NCOR2: variants seen among roughly 807,000 people sequenced by gnomAD.
NCOR2 encodes the protein nuclear receptor corepressor 2.
Under a neutral mutation model 262.9 loss-of-function variants are expected in NCOR2, and 81 were observed. The observed-to-expected ratio is 0.31, with a 90% CI of 0.26 to 0.37. NCOR2 has a LOEUF of 0.37. NCOR2 is among the 10% of genes least tolerant of loss of function. NCOR2 has a pLI of 1.00. For missense variants in NCOR2, 3,385 were observed against 3,621.4 expected (o/e 0.93, Z 1.68); for synonymous variants, 1,659 against 1,559.3 (o/e 1.06, Z -1.51).
intron 38 of NCOR2, 164 bp from the exon 41 acceptor site, chr12:124,335,796 T>G (rs1593102334): frequency 1.4e-6 from 1 of 739,978 alleles, no homozygotes; most frequent in South Asian, 2.0e-5. Flanking sequence ...AGAGGGGTGT[T>G]GGGGAGAGAC....
intron 17 of NCOR2, among the ~76,000 whole-genome samples, chr12:124,384,794 T>C (rs990496689): frequency 6.6e-6 from 1 of 151,764 alleles, no homozygotes; most frequent in Non-Finnish European, 1.5e-5. Flanking sequence ...GGCAGCCCGA[T>C]GTCATGGTTT....
intron 13 of NCOR2, among the ~76,000 whole-genome samples, chr12:124,408,198 CA>C (rs1402732718): frequency 6.6e-6 from 1 of 152,100 alleles, no homozygotes; most frequent in Non-Finnish European, 1.5e-5. Context: ...ACTAAAAATA[CA>C]AACAATTAGC....
chr12:124,493,418 C>T (rs1240264760), intron 1 of NCOR2, among the ~76,000 whole-genome samples: 1 of 152,228 alleles, frequency 6.6e-6, no homozygotes, highest in Non-Finnish European at 1.5e-5. Flanking sequence ...AGCCAGGCGC[C>T]ATCTTAAGAA....
chr12:124,404,182 C>T (rs919321625), intron 13 of NCOR2, among the ~76,000 whole-genome samples: 3 of 152,178 alleles, frequency 2.0e-5, no homozygotes, highest in Non-Finnish European at 4.4e-5. Context: ...CACATTTGCC[C>T]GATGTGGGCA....
chr12:124,368,029 G>T (rs1421968966), intron 20 of NCOR2, among the ~76,000 whole-genome samples: 1 of 152,222 alleles, frequency 6.6e-6, no homozygotes, highest in African/African-American at 2.4e-5. Context: ...CAGAGTATGT[G>T]TCTGGGAGGG....
At chr12:124,327,283 C>T (rs1418379216) in intron 45 of NCOR2, 126 bp downstream of exon 47, 25 of 785,276 alleles carry the variant, frequency 3.2e-5, no homozygotes, top group Admixed American at 3.1e-4. Context: ...AGGTCAAACA[C>T]GCACAAAAAT....
chr12:124,362,128 T>C, exon 22 of NCOR2: 1 of 1,299,862 alleles, frequency 7.7e-7, no homozygotes, highest in Non-Finnish European at 9.8e-7. Context: ...GCACTCACCC[T>C]CCTTGTCGGC....
At chr12:124,325,696 C>T in intron 46 of NCOR2, 113 bp from the exon 49 acceptor site, 2 of 657,716 alleles carry the variant, frequency 3.0e-6, no homozygotes, top group Non-Finnish European at 4.5e-6. Flanking sequence ...TCCAACAGTC[C>T]TCCCAGACCT....
At chr12:124,484,263 G>A (rs373540159) in intron 2 of NCOR2, among the ~76,000 whole-genome samples, 12 of 152,184 alleles carry the variant, frequency 7.9e-5, no homozygotes, top group African/African-American at 2.9e-4. Context: ...GACATCGCTG[G>A]CCGATCGCAG....
intron 5 of NCOR2, among the ~76,000 whole-genome samples, chr12:124,458,494 C>A (rs1804909546): frequency 6.6e-6 from 1 of 152,190 alleles, no homozygotes; most frequent in African/African-American, 2.4e-5. Context: ...GCCAAAACCC[C>A]GAGACCTGCA....
At chr12:124,514,180 A>G (rs1394291738) in intron 1 of NCOR2, 1 of 152,238 alleles carries the variant, frequency 6.6e-6, no homozygotes, top group African/African-American at 2.4e-5. Flanking sequence ...ATGAGCTGTC[A>G]TGAGTGGGAT....
rs369021070 is a variant in NCOR2, at chr12:124,356,710, G to T, written c.3173C>A (p.Pro1058His). The T allele has an allele frequency of 3.0e-5, 45 of 1,497,488 alleles. 1 individual carries two copies. The highest frequency in any genetic ancestry group is 4.0e-5 in the Non-Finnish European group (45 of 1,134,184). 92.8% of individuals were successfully genotyped at this position (1,497,488 alleles called of 1,614,324 possible). A position where few individuals can be genotyped will look rare whatever the true frequency, so the allele number is the denominator to read the frequency against. ...GGAGGCCTTGATCACCTCACGGGGG[G>T]GCACGGGGAAGGGCAGGCCGGAAGT... The change falls in exon 23 of 47, where the codon CCC becomes CAC. Residue 1058 changes from proline (P) to histidine (H), a missense_variant. Transcript: ENST00000405201.
intron 1 of NCOR2, chr12:124,562,175 G>A (rs558476475): frequency 2.0e-5 from 3 of 152,258 alleles, no homozygotes; most frequent in South Asian, 4.1e-4. Flanking sequence ...TTAAATTTAA[G>A]TAAATTAAAA....
chr12:124,493,736 A>G (rs997067127), intron 1 of NCOR2, among the ~76,000 whole-genome samples: 1 of 152,210 alleles, frequency 6.6e-6, no homozygotes, highest in Non-Finnish European at 1.5e-5. Context: ...TGATGACAAA[A>G]TATAAAATCA....
chr12:124,470,846 G>T (rs1318273085), intron 4 of NCOR2, among the ~76,000 whole-genome samples: 1 of 152,228 alleles, frequency 6.6e-6, no homozygotes, highest in Non-Finnish European at 1.5e-5. Context: ...AATTTAGAGG[G>T]GAAAAAACAA....
intron 13 of NCOR2, among the ~76,000 whole-genome samples, chr12:124,405,097 T>C (rs2042207157): frequency 2.0e-5 from 3 of 151,948 alleles, no homozygotes; most frequent in Admixed American, 6.5e-5. Context: ...ACGCCCCATC[T>C]ACCTATCCCT....
intron 1 of NCOR2, among the ~76,000 whole-genome samples, chr12:124,557,173 G>A (rs1360495815): frequency 6.6e-6 from 1 of 152,226 alleles, no homozygotes; most frequent in South Asian, 2.1e-4. Context: ...CCACGTGGGG[G>A]ATGGGTCTCA....
intron 19 of NCOR2, among the ~76,000 whole-genome samples, chr12:124,373,220 C>T (rs1370579420): frequency 6.8e-6 from 1 of 146,792 alleles, no homozygotes; most frequent in East Asian, 1.9e-4. Flanking sequence ...GGGACCCGGG[C>T]ACAGTGGACA....
exon 42 of NCOR2, chr12:124,333,211 G>T: frequency 6.2e-7 from 1 of 1,613,076 alleles, no homozygotes; most frequent in Non-Finnish European, 8.5e-7. Flanking sequence ...CATGCCCTCC[G>T]GTGGGGACAC....
Sources: gnomAD v4.1 joint callset for allele counts (sites outside exome capture counted in the v4.1 genomes callset) on GRCh38, gnomAD v4.1.1 for gene constraint, MANE v1.5 for transcripts, NCBI Gene and HGNC (gene_info 2026-07-23, HGNC 2026-07-21) for gene names.